UST: variants seen among roughly 807,000 people sequenced by gnomAD.
The protein encoded by UST is chondroitin sulfate 2-O-sulfotransferase.
In UST, 21 loss-of-function variants were observed where a neutral mutation model predicts 45.6. The observed-to-expected ratio is 0.46, with a 90% CI of 0.33 to 0.66. The LOEUF (loss-of-function observed/expected upper bound fraction) is 0.66, where lower values mean the gene tolerates loss of function less well. UST is among the 30% of genes least tolerant of loss of function. The probability of loss-of-function intolerance (pLI) is 0.02; values close to 1 mark genes in which losing one functional copy is unlikely to be tolerated. For synonymous variants in UST, 215 were observed against 200.6 expected (o/e 1.07, Z -0.61); for missense variants, 463 against 512.4 (o/e 0.90, Z 0.93).
chr6:148,917,074 G>C (rs994207857), intron 2 of UST, among the ~76,000 whole-genome samples: 1 of 152,226 alleles, frequency 6.6e-6, no homozygotes, highest in Non-Finnish European at 1.5e-5. Context: ...GGGAAGAGGA[G>C]GGGAGGGGTC....
chr6:148,909,429 G>A (rs1227646553), intron 2 of UST, among the ~76,000 whole-genome samples: 1 of 152,164 alleles, frequency 6.6e-6, no homozygotes, highest in Non-Finnish European at 1.5e-5. Flanking sequence ...GGCACCAAAA[G>A]TAGATGTTTG....
chr6:149,032,277 G>C (rs1419358931), intron 7 of UST, among the ~76,000 whole-genome samples: 1 of 152,062 alleles, frequency 6.6e-6, no homozygotes, highest in Non-Finnish European at 1.5e-5. Context: ...CTTCCTAACA[G>C]TGTGGCAGGG....
intron 7 of UST, among the ~76,000 whole-genome samples, chr6:149,045,633 A>C (rs781740858): frequency 8.5e-5 from 13 of 152,150 alleles, no homozygotes; most frequent in Non-Finnish European, 1.8e-4. Context: ...GGAAGCCCCA[A>C]ATGATTCTAG....
chr6:148,951,238 A>G (rs908677666), intron 3 of UST, among the ~76,000 whole-genome samples: 5 of 152,180 alleles, frequency 3.3e-5, no homozygotes, highest in Admixed American at 1.3e-4. Context: ...AGCTGGATCA[A>G]AGGTGGGAAT....
chr6:148,777,273 A>G (rs1178927395), intron 1 of UST, among the ~76,000 whole-genome samples: 1 of 152,230 alleles, frequency 6.6e-6, no homozygotes, highest in Non-Finnish European at 1.5e-5. Context: ...TGTGTTCTAC[A>G]TAAGCAAGCC....
intron 1 of UST, among the ~76,000 whole-genome samples, chr6:148,880,909 A>G (rs1052234117): frequency 1.5e-4 from 23 of 151,990 alleles, no homozygotes; most frequent in Admixed American, 1.2e-3. Flanking sequence ...GGCGCCTGTA[A>G]TCCCAGCTAC....
At chr6:148,889,295 G>A (rs754446042) in intron 2 of UST, among the ~76,000 whole-genome samples, 12 of 152,196 alleles carry the variant, frequency 7.9e-5, no homozygotes, top group Admixed American at 3.9e-4. Context: ...ATTTTCTGTG[G>A]TGTTTTTACT....
intron 2 of UST, among the ~76,000 whole-genome samples, chr6:148,923,900 A>G (rs1779763381): frequency 6.6e-6 from 1 of 152,192 alleles, no homozygotes; most frequent in Non-Finnish European, 1.5e-5. Context: ...ACATTCAACA[A>G]AGGATTTAAT....
chr6:148,909,280 A>G (rs919899071), intron 2 of UST, among the ~76,000 whole-genome samples: 4 of 152,140 alleles, frequency 2.6e-5, no homozygotes, highest in African/African-American at 9.7e-5. Context: ...CTGCTAAAGG[A>G]TGTAATAGGT....
rs375814640 is a variant in UST at position 148,972,933 on chromosome 6, G to C, written c.681+8370G>C. On this transcript the variant is annotated intron_variant, in intron 5 of 7. Coordinates refer to ENST00000367463, the MANE Select transcript of UST (RefSeq NM_005715.3). ...GTGAGGCCAATGTGTAGCTGAGGTT[G>C]AGAACTACTGAGGAATTAACAACGT... Among the ~76,000 whole-genome samples the C allele has an allele frequency of 6.6e-5, 10 of 152,056 alleles. No homozygotes were observed. The East Asian group carries it at 1.9e-3, about 29-fold the overall frequency.
chr6:148,781,826 C>G (rs1267384879), intron 1 of UST, among the ~76,000 whole-genome samples: 1 of 152,138 alleles, frequency 6.6e-6, no homozygotes, highest in Non-Finnish European at 1.5e-5. Flanking sequence ...ATCTACTCTG[C>G]CTGTGACAGC....
At chr6:148,773,572 A>G (rs1776474432) in intron 1 of UST, among the ~76,000 whole-genome samples, 1 of 152,194 alleles carries the variant, frequency 6.6e-6, no homozygotes, top group Admixed American at 6.5e-5. Flanking sequence ...ATCCCAGAAG[A>G]CTGTTTTCTA....
chr6:148,827,916 GT>G (rs1777605598), intron 1 of UST, among the ~76,000 whole-genome samples: 1 of 151,970 alleles, frequency 6.6e-6, no homozygotes, highest in Admixed American at 6.6e-5. Flanking sequence ...ACTTTTTGAA[GT>G]GATTGGATTA....
At chr6:148,884,795 G>A (rs953362459) in intron 1 of UST, among the ~76,000 whole-genome samples, 1 of 152,168 alleles carries the variant, frequency 6.6e-6, no homozygotes, top group Non-Finnish European at 1.5e-5. Context: ...CAGAGGGACT[G>A]GTGAGAAGTG....
intron 1 of UST, among the ~76,000 whole-genome samples, chr6:148,832,998 A>G (rs1451186778): frequency 1.3e-5 from 2 of 152,226 alleles, no homozygotes; most frequent in African/African-American, 4.8e-5. Flanking sequence ...TAACAAGAAA[A>G]GAAAGTATAG....
intron 1 of UST, among the ~76,000 whole-genome samples, chr6:148,830,026 G>T (rs1449838538): frequency 6.6e-6 from 1 of 152,166 alleles, no homozygotes; most frequent in Admixed American, 6.5e-5. Context: ...GCCACATAAA[G>T]CCTACAACTC....
chr6:149,018,856 C>A (rs552990637), intron 5 of UST, among the ~76,000 whole-genome samples: 12 of 152,264 alleles, frequency 7.9e-5, no homozygotes, highest in African/African-American at 2.9e-4. Context: ...TCTCCCAAGG[C>A]CTGTGACCAA....
chr6:148,784,228 T>C (rs1482114481), intron 1 of UST, among the ~76,000 whole-genome samples: 1 of 152,220 alleles, frequency 6.6e-6, no homozygotes, highest in African/African-American at 2.4e-5. Context: ...ATATATTAAA[T>C]TTTAACTAAA....
At chr6:148,837,102 C>T (rs1006714220) in intron 1 of UST, among the ~76,000 whole-genome samples, 1 of 152,176 alleles carries the variant, frequency 6.6e-6, no homozygotes, top group Non-Finnish European at 1.5e-5. Flanking sequence ...ATCAGTACAC[C>T]TGATATATAT....
Sources: allele counts gnomAD v4.1 joint callset (sites outside exome capture counted in the v4.1 genomes callset), GRCh38; gene constraint gnomAD v4.1.1; transcripts MANE v1.5; gene names NCBI Gene and HGNC (gene_info 2026-07-23, HGNC 2026-07-21).